The following SGCZ variants were observed in gnomAD, a reference collection of about 807,000 sequenced individuals.
SGCZ encodes sarcoglycan zeta.
SGCZ carries 40 observed loss-of-function variants against 41.3 expected under a neutral mutation model. The ratio of observed to expected loss-of-function variants is 0.97; its 90% confidence interval spans 0.75 to 1.26. The LOEUF (loss-of-function observed/expected upper bound fraction) is 1.26, where lower values mean the gene tolerates loss of function less well. SGCZ is among the 50% of genes most tolerant of loss of function. The probability of loss-of-function intolerance (pLI) is 0.00; values close to 1 mark genes in which losing one functional copy is unlikely to be tolerated. For missense variants in SGCZ, 552 were observed against 369.8 expected (o/e 1.49, Z -4.04); for synonymous variants, 206 against 137.5 (o/e 1.50, Z -3.49).
chr8:14,089,496 C>G lies in SGCZ; in HGVS notation c.*947G>C, dbSNP rs969506617. Among the ~76,000 whole-genome samples, 1 of 151,926 alleles carries G rather than the reference C, an allele frequency of 6.6e-6. No homozygotes were observed. The highest frequency in any genetic ancestry group is 1.5e-5 in the Non-Finnish European group (1 of 67,940). On this transcript the variant is annotated 3_prime_UTR_variant, in exon 8 of 8. Coordinates refer to ENST00000382080, the MANE Select transcript of SGCZ (RefSeq NM_139167.4). ...TATTTAGAAGATGTTTGAATTTTAG[C>G]AGTCAGAATCAAGTGCAGAGTGAGT...
chr8:14,395,234 A>G, intron 2 of SGCZ, among the ~76,000 whole-genome samples: 1 of 152,174 alleles, frequency 6.6e-6, no homozygotes, highest in East Asian at 1.9e-4. Flanking sequence ...AAATCTCTAT[A>G]TTAAACATAG....
chr8:14,474,621 A>C (rs551964705), intron 2 of SGCZ, among the ~76,000 whole-genome samples: 3 of 152,342 alleles, frequency 2.0e-5, no homozygotes, highest in African/African-American at 7.2e-5. Flanking sequence ...ATTAAAACAT[A>C]CAGGTCCATT....
At chr8:14,428,363 G>C (rs950146560) in intron 2 of SGCZ, among the ~76,000 whole-genome samples, 1 of 151,906 alleles carries the variant, frequency 6.6e-6, no homozygotes, top group African/African-American at 2.4e-5. Flanking sequence ...ACTCAGACGG[G>C]ATGCAAGGAG....
At chr8:14,259,988 T>C (rs982088287) in intron 3 of SGCZ, among the ~76,000 whole-genome samples, 9 of 152,178 alleles carry the variant, frequency 5.9e-5, no homozygotes, top group Non-Finnish European at 1.3e-4. Context: ...TTTTATTTCC[T>C]TGAGCAGTGG....
At chr8:14,344,498 G>C (rs1802823714) in intron 2 of SGCZ, among the ~76,000 whole-genome samples, 1 of 151,954 alleles carries the variant, frequency 6.6e-6, no homozygotes, top group African/African-American at 2.4e-5. Context: ...AAACAGAGCA[G>C]ATAAACAACA....
At chr8:14,738,760 A>C (rs970972302) in intron 1 of SGCZ, among the ~76,000 whole-genome samples, 3 of 152,038 alleles carry the variant, frequency 2.0e-5, no homozygotes, top group Non-Finnish European at 4.4e-5. Flanking sequence ...AACTGCTTGC[A>C]AAAGAAGATA....
intron 5 of SGCZ, among the ~76,000 whole-genome samples, chr8:14,163,065 T>G (rs573750984): frequency 2.6e-5 from 4 of 152,202 alleles, no homozygotes; most frequent in African/African-American, 9.6e-5. Flanking sequence ...AGACACAAGG[T>G]CTCACTATAT....
At chr8:14,147,303 C>T (rs982650200) in intron 5 of SGCZ, among the ~76,000 whole-genome samples, 6 of 152,196 alleles carry the variant, frequency 3.9e-5, no homozygotes, top group African/African-American at 1.4e-4. Context: ...ACCCAATGAT[C>T]TATTGCCTCC....
intron 1 of SGCZ, among the ~76,000 whole-genome samples, chr8:15,168,533 G>A (rs1019909712): frequency 3.9e-5 from 6 of 151,960 alleles, no homozygotes; most frequent in Admixed American, 2.6e-4. Context: ...TGCCAAGGTC[G>A]CTGGAACTCG....
intron 1 of SGCZ, among the ~76,000 whole-genome samples, chr8:14,971,023 G>C (rs1251390157): frequency 6.6e-6 from 1 of 151,962 alleles, no homozygotes; most frequent in Non-Finnish European, 1.5e-5. Flanking sequence ...TTGTCTCTAG[G>C]ACATATTTTT....
At chr8:14,184,965 G>T (rs761388642) in intron 4 of SGCZ, among the ~76,000 whole-genome samples, 1 of 152,076 alleles carries the variant, frequency 6.6e-6, no homozygotes, top group Admixed American at 6.5e-5. Context: ...TGTCTCTATC[G>T]TCTAATATTG....
chr8:14,099,716 A>G (rs112781263), intron 7 of SGCZ, among the ~76,000 whole-genome samples: 5 of 151,526 alleles, frequency 3.3e-5, no homozygotes, highest in African/African-American at 1.2e-4. Flanking sequence ...CAAGAGCGAG[A>G]CTCTGTCTCA....
At chr8:14,816,803 A>T (rs1355487558) in intron 1 of SGCZ, among the ~76,000 whole-genome samples, 1 of 152,236 alleles carries the variant, frequency 6.6e-6, no homozygotes, top group Non-Finnish European at 1.5e-5. Context: ...ATTAAATTGT[A>T]TTAATTTAAT....
At chr8:14,392,535 T>C (rs887109028) in intron 2 of SGCZ, among the ~76,000 whole-genome samples, 4 of 152,200 alleles carry the variant, frequency 2.6e-5, no homozygotes, top group African/African-American at 4.8e-5. Flanking sequence ...GATTGTACTA[T>C]ATTCATTTCA....
intron 2 of SGCZ, among the ~76,000 whole-genome samples, chr8:14,439,330 T>G (rs1187072874): frequency 1.3e-5 from 2 of 148,846 alleles, no homozygotes; most frequent in African/African-American, 2.5e-5. Context: ...TATATATATA[T>G]CTCCTCATGG....
intron 2 of SGCZ, among the ~76,000 whole-genome samples, chr8:14,431,069 G>T (rs1290998463): frequency 2.0e-5 from 3 of 152,142 alleles, no homozygotes; most frequent in African/African-American, 7.2e-5. Context: ...CACATCCCAT[G>T]CTCATGGATG....
chr8:14,510,954 T>C (rs1802449656), intron 2 of SGCZ, among the ~76,000 whole-genome samples: 1 of 152,112 alleles, frequency 6.6e-6, no homozygotes, highest in Admixed American at 6.6e-5. Context: ...GGAGGCTAAC[T>C]TCAGCTGGTA....
At chr8:14,135,071 A>G (rs1250264269) in intron 5 of SGCZ, among the ~76,000 whole-genome samples, 2 of 152,088 alleles carry the variant, frequency 1.3e-5, no homozygotes, top group African/African-American at 4.8e-5. Flanking sequence ...TTATTGTCTA[A>G]CCTTTTAAAG....
intron 3 of SGCZ, among the ~76,000 whole-genome samples, chr8:14,265,772 G>C (rs992799993): frequency 1.3e-5 from 2 of 150,782 alleles, no homozygotes; most frequent in Non-Finnish European, 3.0e-5. Flanking sequence ...ACTTAACAGA[G>C]AGAATGAAAT....
Sources: allele counts gnomAD v4.1 joint callset (sites outside exome capture counted in the v4.1 genomes callset), GRCh38; gene constraint gnomAD v4.1.1; transcripts MANE v1.5; gene names NCBI Gene and HGNC (gene_info 2026-07-23, HGNC 2026-07-21).